The following MID2 variants were observed in gnomAD, a reference collection of about 807,000 sequenced individuals.
MID2 encodes the protein midline 2.
In MID2, 13 loss-of-function variants were observed where a neutral mutation model predicts 46.1. The observed-to-expected ratio is 0.28, with a 90% CI of 0.18 to 0.45. The LOEUF (loss-of-function observed/expected upper bound fraction) is 0.45. Among genes scored for constraint, MID2 ranks in the 20% least tolerant of loss-of-function variants. The pLI, the probability that MID2 is intolerant of heterozygous loss-of-function variation, is 1.00. For synonymous variants in MID2, 199 were observed against 212.3 expected (o/e 0.94, Z 0.55); for missense variants, 431 against 575.4 (o/e 0.75, Z 2.57).
At chrX:107,901,735 G>A (rs1932795885) in intron 3 of MID2, among the ~76,000 whole-genome samples, 1 of 111,413 alleles carries the variant, frequency 9.0e-6, no homozygotes, top group African/African-American at 3.3e-5. Context: ...AATTGCTTGT[G>A]TCCAAGCAAG....
At chrX:107,898,253 A>G (rs750664377) in intron 3 of MID2, among the ~76,000 whole-genome samples, 2 of 112,305 alleles carry the variant, frequency 1.8e-5, no homozygotes, top group Non-Finnish European at 3.8e-5. Flanking sequence ...TCTCCATAAT[A>G]TATCTCCAAC....
At chrX:107,842,166 T>C (rs1001645268) in intron 2 of MID2, among the ~76,000 whole-genome samples, 2 of 112,322 alleles carry the variant, frequency 1.8e-5, no homozygotes, top group Non-Finnish European at 3.8e-5. Context: ...AACTGAAGCA[T>C]TTGTTTATAG....
At chrX:107,907,378 C>T (rs747469752) in intron 5 of MID2, among the ~76,000 whole-genome samples, 1 of 112,282 alleles carries the variant, frequency 8.9e-6, no homozygotes, top group Non-Finnish European at 1.9e-5. Flanking sequence ...AGTAAATGCC[C>T]TCTTATTTTA....
chrX:107,915,378 A>C (rs1431841977), intron 5 of MID2, among the ~76,000 whole-genome samples: 11 of 111,488 alleles, frequency 9.9e-5, no homozygotes, highest in Non-Finnish European at 1.9e-4. Flanking sequence ...CCAACTTGGC[A>C]AAATCCCGTC....
chrX:107,853,644 G>C (rs1022176587), intron 2 of MID2, among the ~76,000 whole-genome samples: 1 of 111,358 alleles, frequency 9.0e-6, no homozygotes, highest in Admixed American at 9.6e-5. Context: ...TTGAAGCCCT[G>C]CCTCTCTTGT....
intron 3 of MID2, among the ~76,000 whole-genome samples, chrX:107,887,416 T>C (rs1368617893): frequency 8.9e-6 from 1 of 112,184 alleles, no homozygotes; most frequent in East Asian, 2.8e-4. Flanking sequence ...GTTTATATGC[T>C]GGATTATGTT....
chrX:107,890,809 C>T (rs945258280), intron 3 of MID2, among the ~76,000 whole-genome samples: 2 of 111,688 alleles, frequency 1.8e-5, no homozygotes, highest in Admixed American at 9.5e-5. Context: ...ACTCAAGCCT[C>T]GGCAATGGTG....
intron 5 of MID2, among the ~76,000 whole-genome samples, chrX:107,912,811 C>T (rs997658078): frequency 1.8e-5 from 2 of 110,880 alleles, no homozygotes; most frequent in African/African-American, 6.6e-5. Flanking sequence ...TGTAGTATGA[C>T]TTGAGAATCA....
chrX:107,870,819 T>C (rs904806914), intron 3 of MID2, among the ~76,000 whole-genome samples: 1 of 107,773 alleles, frequency 9.3e-6, no homozygotes, highest in African/African-American at 3.4e-5. Flanking sequence ...TCTATATCTA[T>C]AAGTGTATCT....
At chrX:107,844,566 C>T (rs1931419121) in intron 2 of MID2, among the ~76,000 whole-genome samples, 2 of 110,921 alleles carry the variant, frequency 1.8e-5, no homozygotes, top group African/African-American at 6.6e-5. Context: ...TTGTTGTTAT[C>T]GTTTTAATAA....
chrX:107,854,298 A>G (rs1200292828), intron 2 of MID2, among the ~76,000 whole-genome samples: 1 of 112,192 alleles, frequency 8.9e-6, no homozygotes, highest in Non-Finnish European at 1.9e-5. Flanking sequence ...TATGAGGGCG[A>G]AATGAGATAT....
chrX:107,834,358 C>T (rs1188884998), intron 1 of MID2, among the ~76,000 whole-genome samples: 3 of 111,602 alleles, frequency 2.7e-5, no homozygotes, highest in Non-Finnish European at 5.6e-5. Context: ...GGCAATTGAT[C>T]GTGCCCTCTC....
At chrX:107,904,217 A>G in intron 4 of MID2, 152 bp downstream of exon 4, 1 of 475,810 alleles carries the variant, frequency 2.1e-6, no homozygotes, top group Non-Finnish European at 3.6e-6. Context: ...ACTGCTCTGA[A>G]TCCAGTAAAA....
chrX:107,923,730 G>C (rs915683704), intron 7 of MID2, among the ~76,000 whole-genome samples: 1 of 111,562 alleles, frequency 9.0e-6, no homozygotes, highest in Non-Finnish European at 1.9e-5. Flanking sequence ...AGAGACAAAA[G>C]AACATTGTTG....
chrX:107,845,588 T>C (rs756822832), intron 2 of MID2, among the ~76,000 whole-genome samples: 1 of 105,089 alleles, frequency 9.5e-6, no homozygotes, highest in Non-Finnish European at 1.9e-5. Flanking sequence ...AAGCTAATGA[T>C]TGCCAGACAA....
intron 3 of MID2, among the ~76,000 whole-genome samples, chrX:107,870,753 C>CTT (rs59717985): frequency 0.024 from 1,754 of 74,162 alleles, 82 homozygotes; most frequent in African/African-American, 0.072. Context: ...CAAATTGCGG[C>CTT]TTTTTTTTTT....
At chrX:107,866,373 C>T (rs1019175712) in intron 3 of MID2, among the ~76,000 whole-genome samples, 3 of 108,709 alleles carry the variant, frequency 2.8e-5, no homozygotes, top group Admixed American at 9.9e-5. Context: ...TTCATGCTTT[C>T]GTACTCCATT....
intron 1 of MID2, among the ~76,000 whole-genome samples, chrX:107,832,996 C>T (rs1473899159): frequency 1.8e-5 from 2 of 111,734 alleles, no homozygotes; most frequent in Non-Finnish European, 1.9e-5. Flanking sequence ...TCTGGAACAT[C>T]CATTATGTCT....
intron 3 of MID2, among the ~76,000 whole-genome samples, chrX:107,865,370 C>T (rs1931932547): frequency 8.9e-6 from 1 of 112,557 alleles, no homozygotes; most frequent in Non-Finnish European, 1.9e-5. Context: ...ATCATAATGC[C>T]TCTGCACGTG....
Sources: gnomAD v4.1 joint callset for allele counts (sites outside exome capture counted in the v4.1 genomes callset) on GRCh38, gnomAD v4.1.1 for gene constraint, MANE v1.5 for transcripts, NCBI Gene and HGNC (gene_info 2026-07-23, HGNC 2026-07-21) for gene names.